NTM: variants seen among roughly 807,000 people sequenced by gnomAD.
NTM encodes IgLON family member 2.
A neutral mutation model predicts 42.1 loss-of-function variants in NTM; 13 were observed. That is an observed-to-expected ratio of 0.31 (90% confidence interval 0.20 to 0.49). The LOEUF (loss-of-function observed/expected upper bound fraction) is 0.49. NTM is among the 20% of genes least tolerant of loss of function. NTM has a pLI of 0.99. For synonymous variants in NTM, 187 were observed against 179.2 expected (o/e 1.04, Z -0.35); for missense variants, 373 against 452.8 (o/e 0.82, Z 1.60).
chr11:131,965,324 C>G (rs1162013456), intron 2 of NTM, among the ~76,000 whole-genome samples: 3 of 151,970 alleles, frequency 2.0e-5, no homozygotes, highest in Non-Finnish European at 4.4e-5. Flanking sequence ...ACCAGGGACT[C>G]AACGTCTCCT....
intron 1 of NTM, among the ~76,000 whole-genome samples, chr11:131,624,921 A>G (rs561262161): frequency 1.1e-3 from 171 of 152,338 alleles, no homozygotes; most frequent in African/African-American, 4.0e-3. Context: ...AGTTGGCTGC[A>G]TTCATATACC....
At chr11:131,814,737 C>A (rs916340487) in intron 1 of NTM, among the ~76,000 whole-genome samples, 3 of 152,176 alleles carry the variant, frequency 2.0e-5, no homozygotes, top group Non-Finnish European at 2.9e-5. Context: ...CACTGTCCTG[C>A]CGGGCTACGT....
At chr11:131,885,997 G>C (rs1158380403) in intron 1 of NTM, among the ~76,000 whole-genome samples, 1 of 152,118 alleles carries the variant, frequency 6.6e-6, no homozygotes, top group Non-Finnish European at 1.5e-5. Flanking sequence ...ATACCTGGAA[G>C]ATTAAGCACC....
chr11:131,905,499 C>A (rs1162944657), intron 1 of NTM, among the ~76,000 whole-genome samples: 1 of 152,086 alleles, frequency 6.6e-6, no homozygotes, highest in Non-Finnish European at 1.5e-5. Context: ...TTCTGCCATC[C>A]ACGAGATTCC....
intron 6 of NTM, among the ~76,000 whole-genome samples, chr11:132,311,756 A>AAAT (rs1357729430): frequency 1.3e-5 from 2 of 151,394 alleles, no homozygotes; most frequent in Non-Finnish European, 2.9e-5. Flanking sequence ...TATTGGAGAA[A>AAAT]AATAGAAAAA....
chr11:131,964,829 C>T (rs780778201), intron 2 of NTM, among the ~76,000 whole-genome samples: 8 of 152,192 alleles, frequency 5.3e-5, no homozygotes, highest in Non-Finnish European at 8.8e-5. Context: ...TGTGATCTGA[C>T]AGCTTTGAAT....
In NTM at chr11:131,601,673, T is replaced by C. The variant is rs892291159; in HGVS notation, c.82+230785T>C. The stretch of plus-strand genomic sequence containing the variant: ...GAGCACAGTATGAAAACCAATGCAT[T>C]TAATGATACAGAAGTTCCCTTCTGA... On this transcript the variant is annotated intron_variant, in intron 1 of 8. Coordinates refer to ENST00000683400, the MANE Select transcript of NTM (RefSeq NM_001352005.2). Among the ~76,000 whole-genome samples the C allele has an allele frequency of 2.9e-4, 44 of 152,130 alleles. 1 individual carries two copies. Among genetic ancestry groups the C allele is most frequent in the Admixed American group, 2.9e-3 (44 of 15,278 alleles).
At chr11:132,309,156 A>T (rs1444442511) in intron 5 of NTM, among the ~76,000 whole-genome samples, 1 of 152,218 alleles carries the variant, frequency 6.6e-6, no homozygotes, top group Non-Finnish European at 1.5e-5. Context: ...ATCATGTACA[A>T]TATTTCTGCA....
At chr11:131,455,187 C>T (rs1254493822) in intron 1 of NTM, among the ~76,000 whole-genome samples, 10 of 152,198 alleles carry the variant, frequency 6.6e-5, no homozygotes, top group Admixed American at 3.9e-4. Context: ...ACTCAGTAAT[C>T]GACCTGAAAT....
At chr11:132,154,335 G>T (rs1305270848) in intron 3 of NTM, among the ~76,000 whole-genome samples, 1 of 152,188 alleles carries the variant, frequency 6.6e-6, no homozygotes, top group Non-Finnish European at 1.5e-5. Flanking sequence ...ATCTTGGGTA[G>T]AAAGGAGATA....
intron 1 of NTM, among the ~76,000 whole-genome samples, chr11:131,786,871 C>A (rs975875751): frequency 2.0e-5 from 3 of 152,160 alleles, no homozygotes; most frequent in African/African-American, 7.2e-5. Flanking sequence ...GAGCTAAACA[C>A]TAGTTTAATG....
At chr11:132,024,151 AG>A (rs1398495271) in intron 2 of NTM, among the ~76,000 whole-genome samples, 1 of 150,966 alleles carries the variant, frequency 6.6e-6, no homozygotes, top group East Asian at 2.0e-4. Context: ...TCCCACAGAG[AG>A]GGAAGGAGGA....
At position 132,234,878 on chromosome 11, in the gene NTM, TGTA is replaced by T. The variant is rs143284788; in HGVS notation, c.526+22734_526+22736del. Among the ~76,000 whole-genome samples, 1,088 of 152,348 alleles carry T rather than the reference TGTA, an allele frequency of 7.1e-3. 17 individuals carry two copies. Among genetic ancestry groups the T allele is most frequent in the African/African-American group, 0.024 (1,014 of 41,582 alleles). ...GTGTAATATGTGTTTGTGTCAATCT[TGTA>T]GTCATAAACTGAGCCTTTAGAAATA... On this transcript the variant is annotated intron_variant, in intron 4 of 8. Coordinates refer to ENST00000683400, the MANE Select transcript of NTM (RefSeq NM_001352005.2).
intron 2 of NTM, among the ~76,000 whole-genome samples, chr11:132,104,921 C>A (rs1362187118): frequency 8.2e-6 from 1 of 121,430 alleles, no homozygotes; most frequent in Non-Finnish European, 1.7e-5. Flanking sequence ...CTCTCTCTCT[C>A]TCCATATATA....
At chr11:131,642,583 C>T (rs987135442) in intron 1 of NTM, among the ~76,000 whole-genome samples, 2 of 152,120 alleles carry the variant, frequency 1.3e-5, no homozygotes, top group Admixed American at 6.5e-5. Flanking sequence ...ACCACGTTCC[C>T]TGGAGTTTTG....
intron 1 of NTM, among the ~76,000 whole-genome samples, chr11:131,459,842 A>G (rs993835077): frequency 1.3e-5 from 2 of 152,114 alleles, no homozygotes; most frequent in African/African-American, 4.8e-5. Flanking sequence ...TCATACTTTC[A>G]CCTGATTCAA....
intron 2 of NTM, among the ~76,000 whole-genome samples, chr11:132,048,993 T>C (rs186262980): frequency 7.1e-4 from 108 of 152,146 alleles, no homozygotes; most frequent in African/African-American, 2.5e-3. Flanking sequence ...CTGCTCAGGA[T>C]TTTTGTTTTT....
chr11:131,650,657 A>T (rs2134331901), intron 1 of NTM, among the ~76,000 whole-genome samples: 1 of 152,316 alleles, frequency 6.6e-6, no homozygotes, highest in South Asian at 2.1e-4. Flanking sequence ...TCATCTATGT[A>T]AGAAGGGCTC....
chr11:131,696,477 C>G (rs1297018771), intron 1 of NTM, among the ~76,000 whole-genome samples: 1 of 152,188 alleles, frequency 6.6e-6, no homozygotes, highest in Non-Finnish European at 1.5e-5. Context: ...TCAGACCACA[C>G]AACATTGTGT....
Sources: allele counts gnomAD v4.1 joint callset (sites outside exome capture counted in the v4.1 genomes callset), GRCh38; gene constraint gnomAD v4.1.1; transcripts MANE v1.5; gene names NCBI Gene and HGNC (gene_info 2026-07-23, HGNC 2026-07-21).